Variants in ITCH observed in about 807,000 individuals in gnomAD.
ITCH encodes itchy E3 ubiquitin protein ligase.
Under a neutral mutation model 126.8 loss-of-function variants are expected in ITCH, and 28 were observed. The observed-to-expected ratio is 0.22, with a 90% CI of 0.16 to 0.30. The LOEUF (loss-of-function observed/expected upper bound fraction) is 0.30, where lower values mean the gene tolerates loss of function less well. Ranked by LOEUF, ITCH falls within the 10% of genes least tolerant of loss-of-function variation. The probability of loss-of-function intolerance (pLI) is 1.00; values close to 1 mark genes in which losing one functional copy is unlikely to be tolerated. For missense variants in ITCH, 631 were observed against 1,032.4 expected (o/e 0.61, Z 5.33); for synonymous variants, 342 against 340.0 (o/e 1.01, Z -0.06).
chr20:34,388,725 C>G (rs2038381015), intron 2 of ITCH, among the ~76,000 whole-genome samples: 1 of 152,120 alleles, frequency 6.6e-6, no homozygotes, highest in Non-Finnish European at 1.5e-5. Flanking sequence ...TATTACAATC[C>G]AAAACACTCA....
At chr20:34,404,609 A>G (rs1326325748) in intron 3 of ITCH, among the ~76,000 whole-genome samples, 1 of 151,966 alleles carries the variant, frequency 6.6e-6, no homozygotes, top group Non-Finnish European at 1.5e-5. Flanking sequence ...TAGTAGAGAC[A>G]GGGTTTCACC....
intron 23 of ITCH, among the ~76,000 whole-genome samples, chr20:34,502,876 G>A (rs1990349480): frequency 6.6e-6 from 1 of 151,984 alleles, no homozygotes. Flanking sequence ...AAAATTAGTT[G>A]GGTGTGGTGG....
intron 6 of ITCH, among the ~76,000 whole-genome samples, chr20:34,421,581 T>C (rs1182161636): frequency 6.7e-6 from 1 of 148,750 alleles, no homozygotes; most frequent in African/African-American, 2.4e-5. Flanking sequence ...GTTCATTGTA[T>C]AAGTGTTAGA....
chr20:34,480,728 G>A lies in ITCH; in HGVS notation c.1948G>A (p.Val650Ile), dbSNP rs1480822794. The part of the protein sequence containing the change: ...DPEFYNSLIW[V>I]KENNIEECDL... Reference sequence around the variant, plus strand: ...AGAATTTTACAATTCTCTCATCTGGGTTAAGTAAGTTTCTTTTTCCATGTA... The same window carrying A: ...AGAATTTTACAATTCTCTCATCTGGATTAAGTAAGTTTCTTTTTCCATGTA... The change falls in exon 19 of 25, where the codon GTT (valine) becomes ATT (isoleucine). Residue 650 changes from valine to isoleucine, a missense_variant. This residue lies in a region of ITCH where 390 missense variants were observed against 731.6 expected (regional missense o/e 0.53). Transcript: ENST00000374864. 6.3e-7 allele frequency: 1 copy of A among 1,599,936 alleles called. No homozygotes were observed. Among genetic ancestry groups the A allele is most frequent in the Admixed American group, 1.7e-5 (1 of 59,606 alleles).
chr20:34,387,777 T>C (rs190341561), intron 2 of ITCH, among the ~76,000 whole-genome samples: 41 of 152,134 alleles, frequency 2.7e-4, no homozygotes, highest in African/African-American at 9.4e-4. Flanking sequence ...TGATCTTAGC[T>C]CACTGTAACC....
At position 34,408,805 on chromosome 20, in the gene ITCH, G is replaced by A; in HGVS notation, c.212+13G>A. On this transcript the variant is annotated intron_variant, in intron 4 of 24. Coordinates refer to ENST00000374864, the MANE Select transcript of ITCH (RefSeq NM_031483.7). ...AACCCCTTACAGTGTAAGCTTGGAAGTATTTTTCTGTAGTATGTTTTGTTT... is the reference window on the plus strand; with the variant it reads ...AACCCCTTACAGTGTAAGCTTGGAAATATTTTTCTGTAGTATGTTTTGTTT... The A allele has an allele frequency of 1.9e-6, 3 of 1,612,590 alleles. No homozygotes were observed. Among genetic ancestry groups the A allele is most frequent in the Non-Finnish European group, 2.5e-6 (3 of 1,179,108 alleles).
chr20:34,489,873 G>A lies in ITCH; in HGVS notation c.2266G>A (p.Ala756Thr). The part of the protein sequence containing the change: ...EIDLNDWQRH[A>T]IYRHYARTSK... Reference sequence around the variant, plus strand: ...TGATTTGAATGACTGGCAAAGACATGCCATCTACCGTCATTATGCAAGGAC... The same window carrying A: ...TGATTTGAATGACTGGCAAAGACATACCATCTACCGTCATTATGCAAGGAC... Residue 756 changes from alanine (A) to threonine (T), a missense_variant, in exon 22 of 25, where the codon GCC becomes ACC. By Grantham distance (58) the Ala-to-Thr change is moderately conservative. This residue lies in a region of ITCH where 390 missense variants were observed against 731.6 expected (regional missense o/e 0.53). Coordinates refer to ENST00000374864, the MANE Select transcript of ITCH (RefSeq NM_031483.7). 6.2e-7 allele frequency: 1 copy of A among 1,614,000 alleles called. No individual in the cohort carries two copies. The highest frequency in any genetic ancestry group is 8.5e-7 in the Non-Finnish European group (1 of 1,179,948).
chr20:34,417,530 G>T (rs933022476), intron 6 of ITCH, among the ~76,000 whole-genome samples: 1 of 151,624 alleles, frequency 6.6e-6, no homozygotes, highest in Non-Finnish European at 1.5e-5. Flanking sequence ...CTCCCGAGTA[G>T]CTGGGATGAC....
chr20:34,475,734 A>G (rs546511030), intron 16 of ITCH, among the ~76,000 whole-genome samples: 8 of 151,620 alleles, frequency 5.3e-5, no homozygotes, highest in Admixed American at 4.6e-4. Context: ...GGGCAGGCAG[A>G]GGCAGGCAGA....
At chr20:34,483,411 G>A (rs113164382) in intron 20 of ITCH, among the ~76,000 whole-genome samples, 334 of 152,254 alleles carry the variant, frequency 2.2e-3, no homozygotes, top group African/African-American at 6.3e-3. Context: ...GCTTTGCTAC[G>A]TAGAAATTTA....
At chr20:34,433,770 A>G (rs1436544420) in intron 7 of ITCH, among the ~76,000 whole-genome samples, 2 of 152,164 alleles carry the variant, frequency 1.3e-5, no homozygotes, top group African/African-American at 4.8e-5. Context: ...TTTGGGGGAA[A>G]TGCCCAATAT....
chr20:34,375,898 T>A (rs1243342953), intron 2 of ITCH, among the ~76,000 whole-genome samples: 1 of 151,676 alleles, frequency 6.6e-6, no homozygotes, highest in East Asian at 1.9e-4. Context: ...AAAAAAAAAT[T>A]GAGGCAAAAT....
intron 20 of ITCH, among the ~76,000 whole-genome samples, chr20:34,487,610 C>T (rs1341238875): frequency 1.3e-5 from 2 of 152,030 alleles, no homozygotes; most frequent in African/African-American, 4.8e-5. Context: ...TCTTTAACAT[C>T]CCTGTTGACC....
chr20:34,388,364 T>C (rs1384359690), intron 2 of ITCH, among the ~76,000 whole-genome samples: 1 of 152,106 alleles, frequency 6.6e-6, no homozygotes. Context: ...TTTTAAATCT[T>C]GTTTGCTTGC....
intron 10 of ITCH, among the ~76,000 whole-genome samples, chr20:34,444,660 G>A (rs1312970601): frequency 2.0e-5 from 3 of 151,860 alleles, no homozygotes; most frequent in Admixed American, 1.3e-4. Context: ...TTGTTTTTTC[G>A]AGATGGAGAC....
At chr20:34,426,533 T>C (rs765940678) in intron 7 of ITCH, among the ~76,000 whole-genome samples, 1 of 149,356 alleles carries the variant, frequency 6.7e-6, no homozygotes, top group Non-Finnish European at 1.5e-5. Flanking sequence ...GCAACCTCCA[T>C]CTCCCGGGTT....
chr20:34,389,285 T>A (rs1486976219), intron 2 of ITCH, among the ~76,000 whole-genome samples: 1 of 152,176 alleles, frequency 6.6e-6, no homozygotes, highest in African/African-American at 2.4e-5. Flanking sequence ...TCCAAAGTAC[T>A]GGGATTACGG....
At chr20:34,471,992 A>G (rs1036486159) in intron 16 of ITCH, among the ~76,000 whole-genome samples, 20 of 152,292 alleles carry the variant, frequency 1.3e-4, no homozygotes, top group Middle Eastern at 3.4e-3. Context: ...AACAGGAAAA[A>G]AAGTGGTCAT....
intron 3 of ITCH, among the ~76,000 whole-genome samples, chr20:34,395,453 T>C (rs1474243934): frequency 2.0e-5 from 3 of 152,144 alleles, no homozygotes; most frequent in African/African-American, 7.2e-5. Flanking sequence ...CTTGAGAGAC[T>C]TACTTAGTTC....
Sources: allele counts gnomAD v4.1 joint callset (sites outside exome capture counted in the v4.1 genomes callset), GRCh38; gene constraint gnomAD v4.1.1; regional missense constraint gnomAD v4.1.1; transcripts MANE v1.5; gene names NCBI Gene and HGNC (gene_info 2026-07-23, HGNC 2026-07-21).